Variants in UNC5D observed in about 807,000 individuals in gnomAD.
UNC5D encodes unc-5 netrin receptor D, also known as netrin receptor UNC5D.
A neutral mutation model predicts 105.4 loss-of-function variants in UNC5D; 39 were observed. The observed-to-expected ratio is 0.37, with a 90% CI of 0.29 to 0.48. UNC5D has a LOEUF of 0.48. Among genes scored for constraint, UNC5D ranks in the 20% least tolerant of loss-of-function variants. The pLI is 0.98. For missense variants in UNC5D, 991 were observed against 1,202.4 expected (o/e 0.82, Z 2.60); for synonymous variants, 452 against 450.4 (o/e 1.00, Z -0.04).
chr8:35,552,815 CACTT>C (rs984994914), intron 2 of UNC5D, among the ~76,000 whole-genome samples: 65 of 152,222 alleles, frequency 4.3e-4, no homozygotes, highest in African/African-American at 1.4e-3. Flanking sequence ...ACAGCAGTCT[CACTT>C]ACGTTGACAT....
intron 14 of UNC5D, 110 bp from the exon 15 acceptor site, chr8:35,766,792 C>CGTT (rs1275798229): frequency 1.6e-6 from 2 of 1,275,198 alleles, no homozygotes; most frequent in Non-Finnish European, 1.0e-6. Flanking sequence ...TTGTCCTCAT[C>CGTT]GTTGTTGTTG....
chr8:35,623,057 G>A (rs1821455869), intron 4 of UNC5D, among the ~76,000 whole-genome samples: 1 of 152,170 alleles, frequency 6.6e-6, no homozygotes, highest in Admixed American at 6.5e-5. Flanking sequence ...AAGGTGGAAC[G>A]TCTAGAATCA....
chr8:35,271,732 TAC>T (rs1365669842), intron 1 of UNC5D, among the ~76,000 whole-genome samples: 1 of 125,754 alleles, frequency 8.0e-6, no homozygotes, highest in African/African-American at 3.1e-5. Context: ...TATACATGTA[TAC>T]ATATATATTT....
chr8:35,558,931 G>C (rs895017506), intron 2 of UNC5D, among the ~76,000 whole-genome samples: 2 of 151,990 alleles, frequency 1.3e-5, no homozygotes, highest in Non-Finnish European at 2.9e-5. Context: ...GCAGTGAGCC[G>C]AGATCGCAGC....
At chr8:35,432,232 A>G (rs1585829928) in intron 1 of UNC5D, among the ~76,000 whole-genome samples, 1 of 152,158 alleles carries the variant, frequency 6.6e-6, no homozygotes, top group Admixed American at 6.6e-5. Context: ...GCTGGGGAAA[A>G]TATTTAAAAT....
chr8:35,438,256 T>C (rs894422484), intron 1 of UNC5D, among the ~76,000 whole-genome samples: 1 of 152,074 alleles, frequency 6.6e-6, no homozygotes, highest in African/African-American at 2.4e-5. Context: ...GAATTATATA[T>C]TTTGACCTTT....
chr8:35,452,255 CTATTTT>C (rs919664038), intron 1 of UNC5D, among the ~76,000 whole-genome samples: 22 of 151,874 alleles, frequency 1.4e-4, no homozygotes, highest in African/African-American at 5.3e-4. Flanking sequence ...ATTCTAATAT[CTATTTT>C]TATTTTTATT....
At chr8:35,779,824 G>C (rs1193272981) in intron 16 of UNC5D, among the ~76,000 whole-genome samples, 1 of 152,186 alleles carries the variant, frequency 6.6e-6, no homozygotes, top group Non-Finnish European at 1.5e-5. Flanking sequence ...AGCATCAGGG[G>C]ATCTTGAAAA....
intron 1 of UNC5D, among the ~76,000 whole-genome samples, chr8:35,513,877 A>C (rs939133662): frequency 2.6e-5 from 4 of 152,238 alleles, no homozygotes; most frequent in Non-Finnish European, 5.9e-5. Flanking sequence ...CAAATGATGC[A>C]GTAAACTGGC....
At chr8:35,779,453 CTTTT>C (rs1457697735) in intron 16 of UNC5D, among the ~76,000 whole-genome samples, 1 of 152,090 alleles carries the variant, frequency 6.6e-6, no homozygotes, top group East Asian at 1.9e-4. Flanking sequence ...AGGAGAGTGG[CTTTT>C]TTGTTTGCTT....
At chr8:35,543,800 T>C (rs73674017) in intron 1 of UNC5D, among the ~76,000 whole-genome samples, 5 of 152,164 alleles carry the variant, frequency 3.3e-5, no homozygotes, top group Non-Finnish European at 7.3e-5. Context: ...GGAATCGCAG[T>C]CCAGCTCACA....
chr8:35,277,830 G>C (rs1436302091), intron 1 of UNC5D, among the ~76,000 whole-genome samples: 1 of 152,112 alleles, frequency 6.6e-6, no homozygotes, highest in African/African-American at 2.4e-5. Flanking sequence ...TTATGTATGG[G>C]GGAATACCTT....
At chr8:35,236,258 C>T (rs879845723) in intron 1 of UNC5D, among the ~76,000 whole-genome samples, 4 of 152,204 alleles carry the variant, frequency 2.6e-5, no homozygotes, top group Admixed American at 1.3e-4. Flanking sequence ...CATGAGTTAG[C>T]GCCCATAGCG....
chr8:35,549,455 C>T lies in UNC5D; in HGVS notation c.267C>T (p.Gly89=), dbSNP rs376716411. 2.5e-6 allele frequency: 4 copies of T among 1,612,614 alleles called. No homozygotes were observed. The highest frequency in any genetic ancestry group is 2.5e-6 in the Non-Finnish European group (3 of 1,179,956). ...PAMQIFFKCN[G]EWVHQNEHVS... is the part of the protein sequence containing the mutation. ...TGCAGATATTCTTCAAATGCAACGG[C>T]GAGTGGGTCCATCAGAACGAGCACG... is the stretch of plus-strand genomic sequence containing the variant. The change falls in exon 2 of 17, where the codon GGC becomes GGT. Residue 89 remains glycine, a synonymous_variant. Transcript: ENST00000404895.
intron 1 of UNC5D, chr8:35,256,399 T>C (rs1804075131): frequency 6.6e-6 from 1 of 152,140 alleles, no homozygotes; most frequent in Non-Finnish European, 1.5e-5. Context: ...ACATGTGTCA[T>C]GGTGGTTTGC....
chr8:35,368,587 GTATAT>G (rs202158544), intron 1 of UNC5D, among the ~76,000 whole-genome samples: 1,844 of 149,534 alleles, frequency 0.012, 29 homozygotes, highest in Non-Finnish European at 0.021. Flanking sequence ...TAATTCAATT[GTATAT>G]TATATTAAAT....
chr8:35,250,900 A>G (rs1803651111), intron 1 of UNC5D, among the ~76,000 whole-genome samples: 1 of 151,960 alleles, frequency 6.6e-6, no homozygotes, highest in East Asian at 1.9e-4. Context: ...GGTCCCATTT[A>G]TAAATGAGAA....
chr8:35,504,942 C>T (rs1228650557), intron 1 of UNC5D, among the ~76,000 whole-genome samples: 2 of 152,114 alleles, frequency 1.3e-5, no homozygotes, highest in Non-Finnish European at 2.9e-5. Flanking sequence ...GTGTAGCCCC[C>T]CAAAACAGCC....
chr8:35,616,494 C>T (rs1259886223), intron 4 of UNC5D, among the ~76,000 whole-genome samples: 3 of 152,154 alleles, frequency 2.0e-5, no homozygotes, highest in Non-Finnish European at 2.9e-5. Context: ...TACTGCTGCC[C>T]GATTGCAGTT....
Sources: gnomAD v4.1 joint callset for allele counts (sites outside exome capture counted in the v4.1 genomes callset) on GRCh38, gnomAD v4.1.1 for gene constraint, MANE v1.5 for transcripts, NCBI Gene and HGNC (gene_info 2026-07-23, HGNC 2026-07-21) for gene names.